SLC12A1: variants seen among roughly 807,000 people sequenced by gnomAD.
SLC12A1 encodes the protein Na-K-2Cl cotransporter.
Under a neutral mutation model 130.4 loss-of-function variants are expected in SLC12A1, and 89 were observed. The observed-to-expected ratio is 0.68, with a 90% confidence interval of 0.58 to 0.81. The LOEUF (loss-of-function observed/expected upper bound fraction) is 0.81, where lower values mean the gene tolerates loss of function less well. Ranked by LOEUF, SLC12A1 falls within the 40% of genes least tolerant of loss-of-function variation. The probability of loss-of-function intolerance (pLI) is 0.00; values close to 1 mark genes in which losing one functional copy is unlikely to be tolerated. For missense variants in SLC12A1, 1,310 were observed against 1,336.4 expected (o/e 0.98, Z 0.31); for synonymous variants, 499 against 460.0 (o/e 1.08, Z -1.09).
chr15:48,269,838 A>G (rs1302579149), intron 19 of SLC12A1, 74 bp downstream of exon 19: 16 of 750,542 alleles, frequency 2.1e-5, no homozygotes, highest in Non-Finnish European at 3.3e-5. Flanking sequence ...TGTACTGCAC[A>G]TAACACTGTT....
chr15:48,227,171 G>A lies in SLC12A1; in HGVS notation c.724+600G>A, dbSNP rs758055353. 4.0e-5 allele frequency: 61 copies of A among 1,543,818 alleles called. No individual in the cohort carries two copies. The Middle Eastern group carries it at 1.2e-3, about 30-fold the overall frequency. On this transcript the variant is annotated intron_variant, in intron 5 of 26. Coordinates refer to ENST00000380993, the MANE Select transcript of SLC12A1 (RefSeq NM_000338.3). The stretch of plus-strand genomic sequence containing the variant: ...TATTTGCACGAATGGAGTAGTAAGA[G>A]GAGGTAAGCCAATTAATTTACTTAT...
rs375884289 is a variant in SLC12A1 at position 48,207,810 on chromosome 15, G to A, written c.91G>A (p.Glu31Lys). 9.3e-6 allele frequency: 15 copies of A among 1,613,798 alleles called. No homozygotes were observed. Among genetic ancestry groups the A allele is most frequent in the Admixed American group, 6.7e-5 (4 of 59,994 alleles). The change falls in exon 2 of 27, where the codon GAG becomes AAG. Residue 31 changes from glutamate to lysine, a missense_variant. Coordinates refer to ENST00000380993, the MANE Select transcript of SLC12A1 (RefSeq NM_000338.3). ...FQVSVINENH[E>K]SSAAADDNTD... ...AGTTAGTGTCATAAATGAGAACCAT[G>A]AGAGCAGTGCAGCTGCAGATGACAA...
intron 7 of SLC12A1, among the ~76,000 whole-genome samples, chr15:48,232,394 CTCAAGTTTA>C (rs1567313189): frequency 2.0e-5 from 3 of 152,224 alleles, no homozygotes; most frequent in Admixed American, 6.5e-5. Flanking sequence ...CAAAACCCCC[CTCAAGTTTA>C]TCAGTGTTAA....
At chr15:48,226,975 G>C (rs921999644) in intron 5 of SLC12A1, 1 of 731,362 alleles carries the variant, frequency 1.4e-6, no homozygotes, top group African/African-American at 1.8e-5. Flanking sequence ...GGTTTTCACA[G>C]GGAGGTGGAT....
At chr15:48,263,923 G>A (rs1164318746) in intron 17 of SLC12A1, among the ~76,000 whole-genome samples, 1 of 151,988 alleles carries the variant, frequency 6.6e-6, no homozygotes, top group Non-Finnish European at 1.5e-5. Context: ...CAACTCCTGG[G>A]CTCAAGCGAT....
chr15:48,288,434 A>G lies in SLC12A1; in HGVS notation c.2791A>G (p.Thr931Ala), dbSNP rs567171019. The change falls in exon 23 of 27, where the codon ACT becomes GCT. Residue 931 changes from threonine to alanine, a missense_variant. Transcript: ENST00000380993. ...AACACTTCTTATCCCCTATATCTTAACTCTCAGAAAAAAATGGAAAGACTG... is the reference window on the plus strand; with the variant it reads ...AACACTTCTTATCCCCTATATCTTAGCTCTCAGAAAAAAATGGAAAGACTG... Reference protein sequence around the residue: ...GLTLLIPYILTLRKKWKDCKL... With the variant: ...GLTLLIPYILALRKKWKDCKL... The G allele has an allele frequency of 1.3e-6, 2 of 1,542,758 alleles. No homozygotes were observed. Among genetic ancestry groups the G allele is most frequent in the African/African-American group, 1.4e-5 (1 of 73,178 alleles).
chr15:48,235,140 A>C, intron 9 of SLC12A1, 136 bp downstream of exon 9: 4 of 949,832 alleles, frequency 4.2e-6, no homozygotes, highest in Non-Finnish European at 6.7e-6. Context: ...TTTCCTGATG[A>C]TTTAAAAGTT....
intron 9 of SLC12A1, among the ~76,000 whole-genome samples, chr15:48,238,184 G>A (rs1361086851): frequency 2.0e-5 from 3 of 152,094 alleles, no homozygotes. Flanking sequence ...TTCTTTTAAC[G>A]CTGGTTGTAA....
intron 17 of SLC12A1, among the ~76,000 whole-genome samples, chr15:48,263,176 ATTT>A (rs1025774895): frequency 6.6e-6 from 1 of 152,166 alleles, no homozygotes; most frequent in South Asian, 2.1e-4. Context: ...AAAAATAGGA[ATTT>A]TTTTATTAAA....
chr15:48,279,744 A>G (rs923109246), intron 20 of SLC12A1, among the ~76,000 whole-genome samples: 14 of 152,236 alleles, frequency 9.2e-5, no homozygotes, highest in African/African-American at 3.4e-4. Context: ...TTTGCCATAT[A>G]TTGTGGTCAA....
chr15:48,302,702 TA>T (rs1246178602), intron 26 of SLC12A1, 47 bp from the exon 27 acceptor site: 1 of 1,441,140 alleles, frequency 6.9e-7, no homozygotes, highest in Admixed American at 1.9e-5. Context: ...CGTTACTACC[TA>T]TAGTAATTTT....
chr15:48,295,108 C>T (rs1056694568), intron 24 of SLC12A1, among the ~76,000 whole-genome samples: 3 of 147,730 alleles, frequency 2.0e-5, no homozygotes, highest in African/African-American at 7.5e-5. Flanking sequence ...AAAAGTCTCA[C>T]TATGTTGCCC....
chr15:48,240,834 A>G (rs547797361), intron 9 of SLC12A1, among the ~76,000 whole-genome samples: 109 of 152,310 alleles, frequency 7.2e-4, no homozygotes, highest in African/African-American at 2.5e-3. Context: ...ATCCCCCCCA[A>G]TAGGATATAC....
intron 23 of SLC12A1, among the ~76,000 whole-genome samples, chr15:48,291,564 G>T (rs530525009): frequency 2.8e-4 from 43 of 152,234 alleles, no homozygotes; most frequent in African/African-American, 9.9e-4. Flanking sequence ...ACCTACAGGG[G>T]TTTCTTTATG....
rs762063903 is a variant in SLC12A1, at chr15:48,288,517, G to GT, written c.2873+2dup. 1.2e-5 allele frequency: 16 copies of GT among 1,369,740 alleles called. No individual in the cohort carries two copies. Among genetic ancestry groups the GT allele is most frequent in the Non-Finnish European group, 1.6e-5 (16 of 982,256 alleles). 84.8% of individuals were successfully genotyped at this position (1,369,740 alleles called of 1,614,324 possible). ...ACCGCATTGAAGAAGAAAAAATTGT[G>GT]TAAGTAGTTTGCCACTCACATGTTA... On this transcript the variant is annotated splice_donor_variant, in intron 23 of 26. Coordinates refer to ENST00000380993, the MANE Select transcript of SLC12A1 (RefSeq NM_000338.3). LOFTEE classifies it high-confidence loss of function.
chr15:48,298,639 C>G (rs1203382704), intron 24 of SLC12A1, among the ~76,000 whole-genome samples: 2 of 152,176 alleles, frequency 1.3e-5, no homozygotes, highest in African/African-American at 2.4e-5. Context: ...CCTACCTGCC[C>G]GCGGCCTCCT....
chr15:48,299,182 T>A lies in SLC12A1; in HGVS notation c.3003T>A (p.His1001Gln), dbSNP rs1447880380. ...FEEMIEPYRL[H>Q]ESCKDLTTAE... is the part of the protein sequence containing the mutation. ...AGATGATTGAACCATATCGTCTCCATGAAAGCTGCAAAGATTTAACAACTG... is the reference window on the plus strand; with the variant it reads ...AGATGATTGAACCATATCGTCTCCAAGAAAGCTGCAAAGATTTAACAACTG... The change falls in exon 25 of 27, where the codon CAT becomes CAA. Residue 1001 changes from histidine to glutamine, a missense_variant. Physicochemically the swap from His to Gln is conservative, Grantham distance 24. Coordinates refer to ENST00000380993, the MANE Select transcript of SLC12A1 (RefSeq NM_000338.3). The A allele has an allele frequency of 1.4e-5, 23 of 1,607,866 alleles. No individual in the cohort carries two copies. In the East Asian group the frequency reaches 4.7e-4, roughly 33 times the overall value.
chr15:48,241,419 G>A, intron 9 of SLC12A1, 96 bp from the exon 10 acceptor site: 1 of 990,422 alleles, frequency 1.0e-6, no homozygotes, highest in Admixed American at 1.7e-5. Context: ...CTCAGGAAGG[G>A]TAGCCTAAAA....
intron 10 of SLC12A1, among the ~76,000 whole-genome samples, chr15:48,242,689 C>A (rs370233787): frequency 6.6e-6 from 1 of 152,000 alleles, no homozygotes; most frequent in Non-Finnish European, 1.5e-5. Context: ...ATGATCCCAG[C>A]GACTTGGAAG....
Sources: allele counts gnomAD v4.1 joint callset (sites outside exome capture counted in the v4.1 genomes callset), GRCh38; gene constraint gnomAD v4.1.1; transcripts MANE v1.5; gene names NCBI Gene and HGNC (gene_info 2026-07-23, HGNC 2026-07-21).